The following LINGO1 variants were observed in gnomAD, a reference collection of about 807,000 sequenced individuals.
The protein encoded by LINGO1 is leucine rich repeat and Ig domain containing 1, also known as leucine-rich repeat and immunoglobulin-like domain-containing nogo receptor-interacting protein 1.
LINGO1 carries 11 observed loss-of-function variants against 37.3 expected under a neutral mutation model. That is an observed-to-expected ratio of 0.29 (90% CI 0.19 to 0.49). The LOEUF (loss-of-function observed/expected upper bound fraction) is 0.49, where lower values mean the gene tolerates loss of function less well. Ranked by LOEUF, LINGO1 falls within the 20% of genes least tolerant of loss-of-function variation. The pLI is 0.99. For synonymous variants in LINGO1, 387 were observed against 403.0 expected (o/e 0.96, Z 0.48); for missense variants, 585 against 878.2 (o/e 0.67, Z 4.22).
At chr15:77,711,329 G>A (rs1481510441) in intron 2 of LINGO1, among the ~76,000 whole-genome samples, 3 of 152,196 alleles carry the variant, frequency 2.0e-5, no homozygotes, top group Non-Finnish European at 4.4e-5. Flanking sequence ...GAGAGGCATG[G>A]TGCCTGTGTC....
At chr15:77,723,824 T>TG in intron 2 of LINGO1, among the ~76,000 whole-genome samples, 1 of 150,316 alleles carries the variant, frequency 6.7e-6, no homozygotes, top group South Asian at 2.1e-4. Flanking sequence ...GTGGCACAGG[T>TG]GGGGGAGGGG....
intron 1 of LINGO1, among the ~76,000 whole-genome samples, chr15:77,738,269 C>T (rs979124244): frequency 2.6e-5 from 4 of 152,138 alleles, no homozygotes; most frequent in South Asian, 2.1e-4. Flanking sequence ...CAGAGCAGCA[C>T]GATGACGGAG....
chr15:77,781,021 GAAGAC>G (rs1170354420), intron 1 of LINGO1, among the ~76,000 whole-genome samples: 1 of 152,262 alleles, frequency 6.6e-6, no homozygotes, highest in Non-Finnish European at 1.5e-5. Context: ...TCATAGCAGA[GAAGAC>G]AAGCCTGGGC....
intron 3 of LINGO1, among the ~76,000 whole-genome samples, chr15:77,655,187 G>C (rs537106788): frequency 6.6e-6 from 1 of 152,192 alleles, no homozygotes; most frequent in Non-Finnish European, 1.5e-5. Flanking sequence ...GGGTCGGGAG[G>C]GAACTTCCTG....
At chr15:77,698,235 C>T (rs2075722454), upstream of LINGO1, among the ~76,000 whole-genome samples, 1 of 152,194 alleles carries the variant, frequency 6.6e-6, no homozygotes, top group Non-Finnish European at 1.5e-5. Context: ...TCCCCCACGC[C>T]TTCTGTCCAA....
At chr15:77,642,301 A>AC (rs1026623756) in intron 3 of LINGO1, among the ~76,000 whole-genome samples, 1 of 151,758 alleles carries the variant, frequency 6.6e-6, no homozygotes, top group African/African-American at 2.4e-5. Context: ...TGCATGGGGG[A>AC]CCCCCACCCC....
chr15:77,624,116 A>T (rs1194054462), intron 1 of LINGO1, among the ~76,000 whole-genome samples: 13 of 122,156 alleles, frequency 1.1e-4, no homozygotes, highest in African/African-American at 1.6e-4. Context: ...GTGGAGTGCG[A>T]GTAGTCTGTG....
At chr15:77,803,225 C>G (rs138583924) in intron 1 of LINGO1, among the ~76,000 whole-genome samples, 265 of 152,300 alleles carry the variant, frequency 1.7e-3, no homozygotes, top group African/African-American at 5.6e-3. Flanking sequence ...GGGGCTGGGT[C>G]TTGCTCTTCT....
At chr15:77,652,021 C>T (rs925786029) in intron 3 of LINGO1, 2 of 152,194 alleles carry the variant, frequency 1.3e-5, no homozygotes, top group African/African-American at 2.4e-5. Context: ...ACATCCCATT[C>T]GTGCCAGAGC....
chr15:77,725,056 AC>A (rs1186560468), intron 2 of LINGO1, among the ~76,000 whole-genome samples: 2 of 152,136 alleles, frequency 1.3e-5, no homozygotes, highest in African/African-American at 2.4e-5. Flanking sequence ...TCACGCCCAT[AC>A]CCACCCTTTC....
At chr15:77,628,175 C>T (rs1011873723) in intron 1 of LINGO1, among the ~76,000 whole-genome samples, 5 of 152,166 alleles carry the variant, frequency 3.3e-5, no homozygotes, top group African/African-American at 9.7e-5. Flanking sequence ...AGAGTGAATG[C>T]GAACATGCCC....
chr15:77,616,369 C>G (rs999089066), intron 1 of LINGO1, among the ~76,000 whole-genome samples: 1 of 152,196 alleles, frequency 6.6e-6, no homozygotes, highest in Non-Finnish European at 1.5e-5. Flanking sequence ...CGGAGCAGAG[C>G]AACCAGGAGT....
At chr15:77,621,961 G>A (rs2073936322) in intron 1 of LINGO1, among the ~76,000 whole-genome samples, 1 of 152,236 alleles carries the variant, frequency 6.6e-6, no homozygotes, top group African/African-American at 2.4e-5. Context: ...ACGAAGGCTG[G>A]GGCCCAGGGT....
Position 77,682,295 on chromosome 15 carries a change from T to TGTGTGG in LINGO1, c.-98-5122_-98-5121insCCACAC, listed in dbSNP as rs1471227921. ...AGATTAAAGTGTGTGTGTGTGTGTGTGTGTGTGTGTGTGTGTGTAGTGTCT... is the reference window on the plus strand; with the variant it reads ...AGATTAAAGTGTGTGTGTGTGTGTGTGTGTGGGTGTGTGTGTGTGTGTGTAGTGTCT... On this transcript the variant is annotated intron_variant, in intron 2 of 3. Coordinates refer to the LINGO1 transcript ENST00000559893. Among the ~76,000 whole-genome samples, 82 of 151,930 alleles carry TGTGTGG rather than the reference T, an allele frequency of 5.4e-4. 1 individual carries two copies. The East Asian group carries it at 0.015, about 28-fold the overall frequency.
chr15:77,667,287 C>T (rs1240507619), intron 3 of LINGO1, among the ~76,000 whole-genome samples: 1 of 152,170 alleles, frequency 6.6e-6, no homozygotes, highest in Non-Finnish European at 1.5e-5. Context: ...AGCTGCTCTC[C>T]CACCTCCGGC....
At chr15:77,745,042 T>G (rs1368157556) in intron 1 of LINGO1, among the ~76,000 whole-genome samples, 1 of 148,744 alleles carries the variant, frequency 6.7e-6, no homozygotes, top group East Asian at 2.0e-4. Flanking sequence ...TGCTTGAACC[T>G]GGGAGGTGGA....
At chr15:77,783,972 G>A (rs1017453228) in intron 1 of LINGO1, among the ~76,000 whole-genome samples, 4 of 152,244 alleles carry the variant, frequency 2.6e-5, no homozygotes, top group Non-Finnish European at 4.4e-5. Flanking sequence ...GTTTGGCACA[G>A]AGACATTAGG....
chr15:77,657,391 C>T (rs933080104), intron 3 of LINGO1, among the ~76,000 whole-genome samples: 2 of 152,164 alleles, frequency 1.3e-5, no homozygotes, highest in Non-Finnish European at 2.9e-5. Flanking sequence ...TTGGGACCCA[C>T]TCAGTGTTCA....
intron 3 of LINGO1, chr15:77,667,689 A>C (rs909632537): frequency 1.3e-5 from 2 of 152,200 alleles, no homozygotes; most frequent in Non-Finnish European, 2.9e-5. Context: ...TCAGCTGTGG[A>C]AGAATTGCTA....
Sources: allele counts gnomAD v4.1 joint callset (sites outside exome capture counted in the v4.1 genomes callset), GRCh38; gene constraint gnomAD v4.1.1; transcripts MANE v1.5; gene names NCBI Gene and HGNC (gene_info 2026-07-23, HGNC 2026-07-21).